SGCZ: variants seen among roughly 807,000 people sequenced by gnomAD.
SGCZ encodes the protein sarcoglycan zeta.
SGCZ carries 40 observed loss-of-function variants against 41.3 expected under a neutral mutation model. The observed-to-expected ratio is 0.97, with a 90% CI of 0.75 to 1.26. SGCZ has a LOEUF of 1.26. Ranked by LOEUF, SGCZ falls within the 50% of genes most tolerant of loss-of-function variation. SGCZ has a pLI of 0.00. For synonymous variants in SGCZ, 206 were observed against 137.5 expected (o/e 1.50, Z -3.49); for missense variants, 552 against 369.8 (o/e 1.49, Z -4.04).
chr8:14,880,164 G>A (rs920533511), intron 1 of SGCZ, among the ~76,000 whole-genome samples: 4 of 152,018 alleles, frequency 2.6e-5, no homozygotes, highest in Admixed American at 1.3e-4. Flanking sequence ...TTTAACTCAG[G>A]CATTAATTTG....
intron 3 of SGCZ, among the ~76,000 whole-genome samples, chr8:14,260,960 G>T (rs1394607461): frequency 6.6e-6 from 1 of 152,240 alleles, no homozygotes; most frequent in East Asian, 1.9e-4. Flanking sequence ...GGTGTGGGGA[G>T]TGGGGAGGGA....
At chr8:14,308,224 A>C (rs948818633) in intron 3 of SGCZ, among the ~76,000 whole-genome samples, 2 of 152,096 alleles carry the variant, frequency 1.3e-5, no homozygotes, top group Non-Finnish European at 2.9e-5. Flanking sequence ...TATTTTATTA[A>C]TGCAAACCAA....
At chr8:15,230,146 C>A in intron 1 of SGCZ, among the ~76,000 whole-genome samples, 1 of 150,596 alleles carries the variant, frequency 6.6e-6, no homozygotes, top group South Asian at 2.1e-4. Context: ...GTAATTTGAC[C>A]CAAAACTAAA....
rs1374682595 is a variant in SGCZ at position 14,345,707 on chromosome 8, A to T, written c.235-21503T>A. 2.6e-5 allele frequency among the ~76,000 whole-genome samples: 4 copies of T among 152,010 alleles called. No homozygotes were observed. The East Asian group carries it at 7.7e-4, about 29-fold the overall frequency. On this transcript the variant is annotated intron_variant, in intron 2 of 7. Coordinates refer to ENST00000382080, the MANE Select transcript of SGCZ (RefSeq NM_139167.4). ...TTGTTTAAAAAGAGAAAAAGGTTCA[A>T]CTCTAGCCTGGGCTAATCTACTAGG...
At position 14,704,578 on chromosome 8, in the gene SGCZ, T is replaced by C. The variant is rs141648779; in HGVS notation, c.40-149652A>G. 8.6e-3 allele frequency among the ~76,000 whole-genome samples: 1,301 copies of C among 152,040 alleles called. 17 individuals carry two copies. Among genetic ancestry groups the C allele is most frequent in the Middle Eastern group, 0.031 (9 of 294 alleles). On this transcript the variant is annotated intron_variant, in intron 1 of 7. Transcript: ENST00000382080. ...AGATAGAAATGAAATTAACACCAGG[T>C]CATGTGGTAGCTGTGACTGTGGGCA...
At chr8:15,081,485 T>A (rs983359578) in intron 1 of SGCZ, among the ~76,000 whole-genome samples, 1 of 146,484 alleles carries the variant, frequency 6.8e-6, no homozygotes, top group African/African-American at 2.6e-5. Flanking sequence ...ATTGGCCAGA[T>A]CCAATGGCTT....
chr8:14,734,131 G>C (rs1324551868), intron 1 of SGCZ, among the ~76,000 whole-genome samples: 4 of 152,146 alleles, frequency 2.6e-5, no homozygotes, highest in African/African-American at 9.7e-5. Flanking sequence ...AGGAACTGCA[G>C]GGCTCTGACA....
chr8:14,771,195 A>G (rs1438829361), intron 1 of SGCZ, among the ~76,000 whole-genome samples: 1 of 152,106 alleles, frequency 6.6e-6, no homozygotes, highest in Non-Finnish European at 1.5e-5. Context: ...GTGCAATGGA[A>G]ATATTGAACT....
intron 2 of SGCZ, among the ~76,000 whole-genome samples, chr8:14,383,457 A>C (rs1163543189): frequency 6.6e-6 from 1 of 152,220 alleles, no homozygotes; most frequent in East Asian, 1.9e-4. Flanking sequence ...TTCCAGGCTA[A>C]TTAGTTTCAT....
At chr8:14,881,855 A>G (rs1034310642) in intron 1 of SGCZ, among the ~76,000 whole-genome samples, 1 of 152,196 alleles carries the variant, frequency 6.6e-6, no homozygotes, top group African/African-American at 2.4e-5. Context: ...GCAAATGCAA[A>G]AGAACTGACA....
chr8:15,081,824 G>C (rs1805758121), intron 1 of SGCZ, among the ~76,000 whole-genome samples: 1 of 152,076 alleles, frequency 6.6e-6, no homozygotes, highest in Admixed American at 6.6e-5. Context: ...GCTCAACAGA[G>C]ACAGAGATAC....
At chr8:14,203,915 A>G (rs776709148) in intron 4 of SGCZ, among the ~76,000 whole-genome samples, 2 of 152,008 alleles carry the variant, frequency 1.3e-5, no homozygotes, top group African/African-American at 2.4e-5. Context: ...AAAAAGAAAG[A>G]ATAATATTCA....
intron 1 of SGCZ, among the ~76,000 whole-genome samples, chr8:14,681,875 T>A (rs1808457185): frequency 6.6e-6 from 1 of 152,108 alleles, no homozygotes; most frequent in African/African-American, 2.4e-5. Context: ...GGAGAAGTAG[T>A]TTAAATGATA....
chr8:15,004,253 C>T (rs1172113328), intron 1 of SGCZ, among the ~76,000 whole-genome samples: 3 of 152,136 alleles, frequency 2.0e-5, no homozygotes, highest in Non-Finnish European at 2.9e-5. Flanking sequence ...TTGACTGCTA[C>T]ACAACCTTCC....
chr8:14,999,561 T>G (rs1356961972), intron 1 of SGCZ, among the ~76,000 whole-genome samples: 2 of 152,050 alleles, frequency 1.3e-5, no homozygotes, highest in Non-Finnish European at 1.5e-5. Context: ...AAGGAGGAAG[T>G]GGTGAGACAG....
intron 1 of SGCZ, among the ~76,000 whole-genome samples, chr8:15,060,254 G>C (rs997242864): frequency 2.0e-5 from 3 of 151,984 alleles, no homozygotes; most frequent in Non-Finnish European, 4.4e-5. Context: ...CAATAGCAAA[G>C]ACTTGGAACC....
At chr8:14,144,353 C>G (rs939589513) in intron 5 of SGCZ, among the ~76,000 whole-genome samples, 2 of 152,146 alleles carry the variant, frequency 1.3e-5, no homozygotes, top group Non-Finnish European at 2.9e-5. Context: ...TCCAAAATGA[C>G]ATTTCTAGAT....
intron 1 of SGCZ, among the ~76,000 whole-genome samples, chr8:14,810,637 T>C (rs1239257272): frequency 6.6e-6 from 1 of 152,048 alleles, no homozygotes; most frequent in Non-Finnish European, 1.5e-5. Flanking sequence ...GATATTGCAC[T>C]GGAGATGGCT....
chr8:14,194,314 G>A (rs1036622749), intron 4 of SGCZ, among the ~76,000 whole-genome samples: 4 of 151,858 alleles, frequency 2.6e-5, no homozygotes, highest in African/African-American at 7.2e-5. Context: ...ATTTTTTGAT[G>A]TCTGATTGAA....
Sources: allele counts gnomAD v4.1 joint callset (sites outside exome capture counted in the v4.1 genomes callset), GRCh38; gene constraint gnomAD v4.1.1; transcripts MANE v1.5; gene names NCBI Gene and HGNC (gene_info 2026-07-23, HGNC 2026-07-21).